The following C8orf34 variants were observed in gnomAD, a reference collection of about 807,000 sequenced individuals.
C8orf34 encodes the protein chromosome 8 open reading frame 34, also known as uncharacterized protein C8orf34.
C8orf34 carries 65 observed loss-of-function variants against 68.3 expected under a neutral mutation model. That is an observed-to-expected ratio of 0.95 (90% CI 0.78 to 1.17). The LOEUF (loss-of-function observed/expected upper bound fraction) is 1.17. Among genes scored for constraint, C8orf34 ranks in the 50% most tolerant of loss-of-function variants. The pLI, the probability that C8orf34 is intolerant of heterozygous loss-of-function variation, is 0.00. For synonymous variants in C8orf34, 244 were observed against 241.2 expected (o/e 1.01, Z -0.11); for missense variants, 664 against 655.4 (o/e 1.01, Z -0.14).
chr8:68,779,264 T>C (rs1175529838), intron 11 of C8orf34, among the ~76,000 whole-genome samples: 1 of 151,434 alleles, frequency 6.6e-6, no homozygotes, highest in East Asian at 1.9e-4. Context: ...CAGCGTAGTA[T>C]ACTGGTTAAA....
intron 1 of C8orf34, among the ~76,000 whole-genome samples, chr8:68,396,053 G>A (rs1179135572): frequency 6.6e-6 from 1 of 151,778 alleles, no homozygotes; most frequent in African/African-American, 2.4e-5. Flanking sequence ...CCCATACTTT[G>A]GAATATTTTA....
chr8:68,807,426 T>C (rs1824518337), intron 12 of C8orf34, among the ~76,000 whole-genome samples: 1 of 152,254 alleles, frequency 6.6e-6, no homozygotes, highest in African/African-American at 2.4e-5. Flanking sequence ...CTTTAAATGC[T>C]ATCAAATCTG....
In C8orf34 at chr8:68,353,515, T is replaced by C. The variant is rs1215857442; in HGVS notation, c.327+22176T>C. ...TGGATGTATGTATTGTGTGTATATA[T>C]ATGTGTATTGTATGCTTATGTGTAT... On this transcript the variant is annotated intron_variant, in intron 1 of 13. Transcript: ENST00000518698. Among the ~76,000 whole-genome samples, 4 of 150,630 alleles carry C rather than the reference T, an allele frequency of 2.7e-5. No individual in the cohort carries two copies. The East Asian group carries it at 7.8e-4, about 29-fold the overall frequency.
At chr8:68,511,848 C>T (rs116155914) in intron 5 of C8orf34, among the ~76,000 whole-genome samples, 1,999 of 152,230 alleles carry the variant, frequency 0.013, 36 homozygotes, top group African/African-American at 0.045. Flanking sequence ...TCAAAATAAG[C>T]TTCCTTGACT....
intron 11 of C8orf34, among the ~76,000 whole-genome samples, chr8:68,781,008 AT>A (rs1329347218): frequency 2.6e-5 from 4 of 151,922 alleles, no homozygotes; most frequent in Non-Finnish European, 5.9e-5. Flanking sequence ...TTTTACAGGG[AT>A]TCCATGGTTA....
At chr8:68,618,091 CATCTT>C (rs1818280732) in intron 7 of C8orf34, among the ~76,000 whole-genome samples, 1 of 151,968 alleles carries the variant, frequency 6.6e-6, no homozygotes, top group Non-Finnish European at 1.5e-5. Flanking sequence ...ATCTTACTAT[CATCTT>C]GTCTTGAATG....
At chr8:68,367,928 A>AAAAAAAAAAAAAAAAAAAAAAAAAAAT (rs1807375775) in intron 1 of C8orf34, among the ~76,000 whole-genome samples, 1 of 148,948 alleles carries the variant, frequency 6.7e-6, no homozygotes, top group Non-Finnish European at 1.5e-5. Context: ...AAAAAAAAAA[A>AAAAAAAAAAAAAAAAAAAAAAAAAAAT]AAAAAAAAAG....
At position 68,617,324 on chromosome 8, in the gene C8orf34, C is replaced by T. The variant is rs532394465; in HGVS notation, c.1106-23052C>T. 5.3e-5 allele frequency among the ~76,000 whole-genome samples: 8 copies of T among 152,272 alleles called. No homozygotes were observed. In the South Asian group the frequency reaches 1.5e-3, roughly 28 times the overall value. ...GTGTTATGTGTGAATTTGATCATGTCATTATGATGTTAGCTGTTATTTTGC... is the reference window on the plus strand; with the variant it reads ...GTGTTATGTGTGAATTTGATCATGTTATTATGATGTTAGCTGTTATTTTGC... On this transcript the variant is annotated intron_variant, in intron 7 of 13. Transcript: ENST00000518698.
At chr8:68,575,956 GTTT>G (rs59081528) in intron 7 of C8orf34, among the ~76,000 whole-genome samples, 2,457 of 96,440 alleles carry the variant, frequency 0.025, 92 homozygotes, top group African/African-American at 0.08. Flanking sequence ...GTAGATGGTT[GTTT>G]TTTTTTTTTT....
intron 8 of C8orf34, among the ~76,000 whole-genome samples, chr8:68,693,809 G>A (rs1316334977): frequency 6.6e-6 from 1 of 152,028 alleles, no homozygotes; most frequent in Non-Finnish European, 1.5e-5. Context: ...TAGGGTCCTT[G>A]GACAGGTTGT....
intron 5 of C8orf34, among the ~76,000 whole-genome samples, chr8:68,518,681 A>G (rs1349410173): frequency 6.6e-6 from 1 of 152,116 alleles, no homozygotes; most frequent in Non-Finnish European, 1.5e-5. Flanking sequence ...GTGGATCACA[A>G]GGTCAAGAGA....
chr8:68,721,455 CT>C lies in C8orf34; in HGVS notation c.1404+20del. 1 of 1,542,712 alleles carries C rather than the reference CT, an allele frequency of 6.5e-7. No individual in the cohort carries two copies. Among genetic ancestry groups the C allele is most frequent in the Non-Finnish European group, 8.9e-7 (1 of 1,123,810 alleles). On this transcript the variant is annotated intron_variant, in intron 10 of 13. Coordinates refer to ENST00000518698, the MANE Select transcript of C8orf34 (RefSeq NM_052958.4). The stretch of plus-strand genomic sequence containing the variant: ...CAGGACCTGTAAGTATATTCATTGA[CT>C]TATTTTTTTTAATTGCTAAAACTAA...
chr8:68,332,282 A>C (rs1269418069), intron 1 of C8orf34, among the ~76,000 whole-genome samples: 1 of 151,058 alleles, frequency 6.6e-6, no homozygotes, highest in East Asian at 2.0e-4. Context: ...TTGCGGAGGG[A>C]CTCCCTTGGT....
At chr8:68,741,262 T>C (rs1822283605) in intron 10 of C8orf34, among the ~76,000 whole-genome samples, 1 of 152,220 alleles carries the variant, frequency 6.6e-6, no homozygotes. Flanking sequence ...GACATTCATA[T>C]TACCTTATAT....
At chr8:68,622,334 A>G (rs536333066) in intron 7 of C8orf34, among the ~76,000 whole-genome samples, 3 of 152,332 alleles carry the variant, frequency 2.0e-5, no homozygotes, top group Non-Finnish European at 2.9e-5. Context: ...ACTTTCAATG[A>G]GGGAGGAAAG....
intron 1 of C8orf34, among the ~76,000 whole-genome samples, chr8:68,389,436 C>A (rs1415964717): frequency 6.6e-6 from 1 of 152,010 alleles, no homozygotes; most frequent in Admixed American, 6.6e-5. Flanking sequence ...AAGAATCATC[C>A]CAGTGCATGT....
At chr8:68,816,928 T>C (rs1036886888) in intron 13 of C8orf34, among the ~76,000 whole-genome samples, 60 of 152,292 alleles carry the variant, frequency 3.9e-4, no homozygotes, top group African/African-American at 1.4e-3. Flanking sequence ...AAGGATGAGA[T>C]ATATATTAAG....
intron 4 of C8orf34, among the ~76,000 whole-genome samples, chr8:68,470,289 C>T (rs907998068): frequency 2.6e-5 from 4 of 151,900 alleles, no homozygotes; most frequent in African/African-American, 9.7e-5. Flanking sequence ...CTCAATTTAC[C>T]TAATAACATG....
At chr8:68,511,501 C>T (rs921653830) in intron 5 of C8orf34, among the ~76,000 whole-genome samples, 3 of 152,036 alleles carry the variant, frequency 2.0e-5, no homozygotes, top group Admixed American at 6.6e-5. Flanking sequence ...AGGTGACCAG[C>T]GGTGACTCAG....
Sources: gnomAD v4.1 joint callset for allele counts (sites outside exome capture counted in the v4.1 genomes callset) on GRCh38, gnomAD v4.1.1 for gene constraint, MANE v1.5 for transcripts, NCBI Gene and HGNC (gene_info 2026-07-23, HGNC 2026-07-21) for gene names.